IFT74: variants seen among roughly 807,000 people sequenced by gnomAD.
The protein encoded by IFT74 is intraflagellar transport 74.
In IFT74, 92 loss-of-function variants were observed where a neutral mutation model predicts 96.7. The observed-to-expected ratio is 0.95, with a 90% CI of 0.80 to 1.13. IFT74 has a LOEUF of 1.13. Ranked by LOEUF, IFT74 falls within the 50% of genes most tolerant of loss-of-function variation. The pLI, the probability that IFT74 is intolerant of heterozygous loss-of-function variation, is 0.00. For missense variants in IFT74, 811 were observed against 698.2 expected (o/e 1.16, Z -1.82); for synonymous variants, 223 against 213.2 (o/e 1.05, Z -0.40).
At chr9:26,993,298 T>G (rs1333728673) in intron 8 of IFT74, 1 of 152,168 alleles carries the variant, frequency 6.6e-6, no homozygotes, top group African/African-American at 2.4e-5. Flanking sequence ...AGGAAATAAT[T>G]TAGCAGAATG....
At chr9:27,057,690 C>G (rs1403773110) in intron 18 of IFT74, among the ~76,000 whole-genome samples, 1 of 152,006 alleles carries the variant, frequency 6.6e-6, no homozygotes, top group Non-Finnish European at 1.5e-5. Flanking sequence ...AACCCCGTCT[C>G]TACTAAAAAT....
chr9:26,982,403 A>G (rs1390026662), intron 4 of IFT74: 1 of 434,244 alleles, frequency 2.3e-6, no homozygotes, highest in Non-Finnish European at 4.6e-6. Flanking sequence ...GTAATCTGCA[A>G]GTAGCTGGGA....
chr9:27,056,304 A>G (rs1190737311), intron 17 of IFT74, 30 bp from the exon 18 acceptor site: 2 of 1,480,712 alleles, frequency 1.4e-6, no homozygotes, highest in Non-Finnish European at 1.8e-6. Flanking sequence ...TATTTTCTAT[A>G]ACCTGTCACT....
chr9:27,031,116 C>T (rs1163420376), intron 13 of IFT74, among the ~76,000 whole-genome samples: 6 of 151,840 alleles, frequency 4.0e-5, no homozygotes, highest in African/African-American at 1.5e-4. Flanking sequence ...CTGCCTCAGC[C>T]TTCCAAGTAG....
chr9:26,972,901 A>G (rs955787089), intron 2 of IFT74, among the ~76,000 whole-genome samples: 2 of 152,178 alleles, frequency 1.3e-5, no homozygotes, highest in Admixed American at 1.3e-4. Context: ...GAAGTCACCC[A>G]CTTTTTTTAT....
At chr9:27,042,676 A>G (rs1819531151) in intron 13 of IFT74, among the ~76,000 whole-genome samples, 1 of 152,198 alleles carries the variant, frequency 6.6e-6, no homozygotes, top group African/African-American at 2.4e-5. Context: ...AAATCCTTGT[A>G]AAGTCTAGGA....
intron 17 of IFT74, 96 bp downstream of exon 17, chr9:27,055,868 A>G (rs1048569397): frequency 9.3e-6 from 7 of 755,022 alleles, no homozygotes; most frequent in African/African-American, 1.9e-5. Context: ...TATTATTTTA[A>G]GTTGATTATT....
At chr9:26,947,966 G>A (rs1164814802) in intron 1 of IFT74, among the ~76,000 whole-genome samples, 1 of 152,160 alleles carries the variant, frequency 6.6e-6, no homozygotes, top group African/African-American at 2.4e-5. Context: ...GAGTGCCAGG[G>A]TAAACATGAC....
At chr9:26,991,874 C>G (rs933361628) in intron 8 of IFT74, among the ~76,000 whole-genome samples, 1 of 151,954 alleles carries the variant, frequency 6.6e-6, no homozygotes, top group South Asian at 2.1e-4. Context: ...ACTAAAAATA[C>G]AAAAATTAGC....
chr9:27,030,556 A>AG (rs1418525022), intron 13 of IFT74, among the ~76,000 whole-genome samples: 2 of 151,530 alleles, frequency 1.3e-5, no homozygotes, highest in Non-Finnish European at 2.9e-5. Flanking sequence ...TCAAAAAAAA[A>AG]AAAAAAAAAG....
chr9:26,982,451 ATTTTTTTTTTT>A (rs56756518), intron 4 of IFT74: 4 of 215,760 alleles, frequency 1.9e-5, no homozygotes, highest in East Asian at 1.8e-4. Flanking sequence ...TAATTTTTGT[ATTTTTTTTTTT>A]TTTTTTTTTT....
At chr9:26,995,260 G>A (rs528969949) in intron 8 of IFT74, 10 of 257,858 alleles carry the variant, frequency 3.9e-5, no homozygotes, top group South Asian at 1.0e-4. Flanking sequence ...TTACTAGTTC[G>A]TATGGTCACC....
At chr9:27,016,711 A>C (rs1313050155) in intron 10 of IFT74, among the ~76,000 whole-genome samples, 196 bp from the exon 11 acceptor site, 1 of 152,206 alleles carries the variant, frequency 6.6e-6, no homozygotes, top group East Asian at 1.9e-4. Flanking sequence ...CTTAGACTGA[A>C]AATAGCAGGA....
At chr9:27,057,639 C>T (rs545121437) in intron 18 of IFT74, among the ~76,000 whole-genome samples, 21 of 152,146 alleles carry the variant, frequency 1.4e-4, no homozygotes, top group African/African-American at 4.3e-4. Flanking sequence ...GGGCGGATCA[C>T]GAGGTCAGGA....
At chr9:27,002,780 T>C (rs1176760639) in intron 8 of IFT74, among the ~76,000 whole-genome samples, 2 of 152,238 alleles carry the variant, frequency 1.3e-5, no homozygotes, top group African/African-American at 4.8e-5. Flanking sequence ...TGGGATCTTT[T>C]ATGGTTCCAT....
At chr9:27,008,885 T>A (rs1239762972) in intron 8 of IFT74, 135 bp from the exon 9 acceptor site, 1 of 674,510 alleles carries the variant, frequency 1.5e-6, no homozygotes, top group African/African-American at 1.8e-5. Context: ...AGTACAAATA[T>A]AAAGACTTTT....
intron 2 of IFT74, among the ~76,000 whole-genome samples, chr9:26,965,468 C>T (rs954358879): frequency 2.6e-5 from 4 of 151,902 alleles, no homozygotes; most frequent in African/African-American, 9.7e-5. Flanking sequence ...ATTAGGACAT[C>T]GTCATCAACT....
chr9:26,959,086 C>CTTT (rs1454480289), intron 1 of IFT74, among the ~76,000 whole-genome samples: 1 of 140,862 alleles, frequency 7.1e-6, no homozygotes, highest in East Asian at 2.6e-4. Flanking sequence ...ATAAGCTATT[C>CTTT]TTTTTGTTGT....
At chr9:27,060,281 T>G (rs998604636) in intron 18 of IFT74, among the ~76,000 whole-genome samples, 1 of 152,210 alleles carries the variant, frequency 6.6e-6, no homozygotes, top group African/African-American at 2.4e-5. Flanking sequence ...TGTCCCATTT[T>G]TCTTTTAAAA....
Sources: gnomAD v4.1 joint callset for allele counts (sites outside exome capture counted in the v4.1 genomes callset) on GRCh38, gnomAD v4.1.1 for gene constraint, MANE v1.5 for transcripts, NCBI Gene and HGNC (gene_info 2026-07-23, HGNC 2026-07-21) for gene names.